CDH13: variants seen among roughly 807,000 people sequenced by gnomAD.
The protein encoded by CDH13 is cadherin 13.
Under a neutral mutation model 63.8 loss-of-function variants are expected in CDH13, and 24 were observed. The observed-to-expected ratio is 0.38, with a 90% confidence interval of 0.27 to 0.53. The LOEUF (loss-of-function observed/expected upper bound fraction) is 0.53, where lower values mean the gene tolerates loss of function less well. Ranked by LOEUF, CDH13 falls within the 20% of genes least tolerant of loss-of-function variation. CDH13 has a pLI of 0.85. For synonymous variants in CDH13, 503 were observed against 355.3 expected (o/e 1.42, Z -4.67); for missense variants, 1,049 against 903.1 (o/e 1.16, Z -2.07).
chr16:83,766,728 G>C (rs1035036241), intron 11 of CDH13, among the ~76,000 whole-genome samples: 16 of 152,172 alleles, frequency 1.1e-4, no homozygotes, highest in African/African-American at 3.9e-4. Context: ...GATATGGTTT[G>C]GCTGTGTCCC....
At chr16:83,187,966 A>G (rs2038577926) in intron 4 of CDH13, among the ~76,000 whole-genome samples, 1 of 152,164 alleles carries the variant, frequency 6.6e-6, no homozygotes, top group Non-Finnish European at 1.5e-5. Flanking sequence ...AGGAACTATG[A>G]GTGCAAAAGC....
chr16:83,453,419 G>A (rs2072935902), intron 6 of CDH13, among the ~76,000 whole-genome samples: 1 of 151,962 alleles, frequency 6.6e-6, no homozygotes, highest in African/African-American at 2.4e-5. Context: ...AAAAAAACAT[G>A]AATAACATTA....
At position 83,277,763 on chromosome 16, in the gene CDH13, A is replaced by C. The variant is rs190139535; in HGVS notation, c.636+60266A>C. Among the ~76,000 whole-genome samples, 614 of 152,308 alleles carry C rather than the reference A, an allele frequency of 4.0e-3. 4 individuals carry two copies. Among genetic ancestry groups the C allele is most frequent in the African/African-American group, 0.014 (581 of 41,570 alleles). On this transcript the variant is annotated intron_variant, in intron 5 of 13. Transcript: ENST00000567109. ...ACTATATTTTCTTTTGTTTAGGAAA[A>C]TACAGTTTTTAATTTAAAAATATTT... is the stretch of plus-strand genomic sequence containing the variant.
intron 1 of CDH13, among the ~76,000 whole-genome samples, chr16:82,763,137 G>A (rs369123278): frequency 2.0e-5 from 3 of 152,148 alleles, no homozygotes; most frequent in Non-Finnish European, 4.4e-5. Flanking sequence ...TGTATGTGCT[G>A]CTCTTGCTGC....
At chr16:82,666,081 G>A (rs541519546) in intron 1 of CDH13, among the ~76,000 whole-genome samples, 1 of 152,260 alleles carries the variant, frequency 6.6e-6, no homozygotes, top group East Asian at 1.9e-4. Flanking sequence ...GAGAGGGTGT[G>A]GACTGTGATT....
Position 83,756,263 on chromosome 16 carries a change from T to C in CDH13, c.1681+8013T>C, listed in dbSNP as rs565930789. On this transcript the variant is annotated intron_variant, in intron 11 of 13. Transcript: ENST00000567109. ...TATACCTAATTATACCACAGTAAAA[T>C]GCAAAATGTAAACAGATTAAATATT... Among the ~76,000 whole-genome samples the C allele has an allele frequency of 3.3e-5, 5 of 152,282 alleles. No homozygotes were observed. In the East Asian group the frequency reaches 7.7e-4, roughly 23 times the overall value.
At chr16:83,217,198 G>C (rs2039562173) in intron 4 of CDH13, 147 bp from the exon 5 acceptor site, 1 of 695,928 alleles carries the variant, frequency 1.4e-6, no homozygotes, top group Non-Finnish European at 2.4e-6. Flanking sequence ...GCTATTTCTG[G>C]TGCTGTTACT....
intron 10 of CDH13, among the ~76,000 whole-genome samples, chr16:83,722,622 T>C (rs1909843944): frequency 6.6e-6 from 1 of 152,186 alleles, no homozygotes; most frequent in Non-Finnish European, 1.5e-5. Flanking sequence ...TGAAATCAAA[T>C]GAGAGAAGTC....
At chr16:83,333,250 G>A (rs577611768) in intron 5 of CDH13, among the ~76,000 whole-genome samples, 19 of 152,004 alleles carry the variant, frequency 1.2e-4, no homozygotes, top group African/African-American at 2.7e-4. Flanking sequence ...AGTTGTTGGC[G>A]TCAGAGAGAA....
chr16:83,492,082 G>C (rs1205119346), intron 7 of CDH13, among the ~76,000 whole-genome samples: 1 of 152,112 alleles, frequency 6.6e-6, no homozygotes, highest in South Asian at 2.1e-4. Context: ...AGCCCAAAGA[G>C]AACTATGTAT....
intron 6 of CDH13, among the ~76,000 whole-genome samples, chr16:83,459,595 C>A (rs1032245007): frequency 6.6e-6 from 1 of 152,146 alleles, no homozygotes; most frequent in African/African-American, 2.4e-5. Context: ...TGTACCAGAG[C>A]CATAGGAAAA....
At chr16:82,870,314 C>T (rs1333193955) in intron 2 of CDH13, among the ~76,000 whole-genome samples, 1 of 152,140 alleles carries the variant, frequency 6.6e-6, no homozygotes, top group Non-Finnish European at 1.5e-5. Context: ...GACGGGCAAT[C>T]ATGAGTGCTG....
chr16:83,671,281 C>A (rs1305139370), intron 9 of CDH13, among the ~76,000 whole-genome samples: 1 of 152,182 alleles, frequency 6.6e-6, no homozygotes, highest in Non-Finnish European at 1.5e-5. Context: ...GACAGTCTCA[C>A]TCTGTCACCT....
At chr16:83,706,187 A>T (rs1907015842) in intron 10 of CDH13, among the ~76,000 whole-genome samples, 1 of 152,158 alleles carries the variant, frequency 6.6e-6, no homozygotes, top group South Asian at 2.1e-4. Flanking sequence ...CAGAACATCT[A>T]CTTGTGGCCT....
chr16:82,993,482 T>C (rs1911877624), intron 2 of CDH13, among the ~76,000 whole-genome samples: 1 of 152,186 alleles, frequency 6.6e-6, no homozygotes, highest in Non-Finnish European at 1.5e-5. Context: ...TAGGAACTGA[T>C]CTTTGACTTC....
intron 4 of CDH13, among the ~76,000 whole-genome samples, chr16:83,150,861 C>T (rs546545087): frequency 5.3e-5 from 8 of 152,294 alleles, no homozygotes; most frequent in African/African-American, 1.9e-4. Flanking sequence ...TTCCCCTTAA[C>T]CATTTCCATT....
chr16:82,974,271 G>C (rs556432107), intron 2 of CDH13, among the ~76,000 whole-genome samples: 14 of 152,152 alleles, frequency 9.2e-5, no homozygotes, highest in African/African-American at 3.1e-4. Flanking sequence ...TTCATGTCAG[G>C]GTGCAAACAT....
intron 8 of CDH13, among the ~76,000 whole-genome samples, chr16:83,632,033 T>G (rs896139854): frequency 6.6e-6 from 1 of 152,112 alleles, no homozygotes; most frequent in African/African-American, 2.4e-5. Context: ...ATGTGGTAGT[T>G]TGAGAGAACA....
chr16:83,757,375 C>T (rs1316067563), intron 11 of CDH13, among the ~76,000 whole-genome samples: 2 of 152,042 alleles, frequency 1.3e-5, no homozygotes, highest in Admixed American at 6.5e-5. Flanking sequence ...GTCAGGAGAT[C>T]GAGACCAGCC....
Sources: allele counts gnomAD v4.1 joint callset (sites outside exome capture counted in the v4.1 genomes callset), GRCh38; gene constraint gnomAD v4.1.1; transcripts MANE v1.5; gene names NCBI Gene and HGNC (gene_info 2026-07-23, HGNC 2026-07-21).